SLC14A2: variants seen among roughly 807,000 people sequenced by gnomAD.
SLC14A2 encodes the protein solute carrier family 14 member 2, also known as urea transporter 2.
Under a neutral mutation model 104.6 loss-of-function variants are expected in SLC14A2, and 91 were observed. The observed-to-expected ratio is 0.87, with a 90% CI of 0.73 to 1.04. SLC14A2 has a LOEUF of 1.04. Ranked by LOEUF, SLC14A2 falls within the 50% of genes least tolerant of loss-of-function variation. The pLI is 0.00. For synonymous variants in SLC14A2, 476 were observed against 466.4 expected, an observed-to-expected ratio of 1.02 and a Z score of -0.27; for missense variants, 1,189 against 1,156.0, an observed-to-expected ratio of 1.03 and a Z score of -0.41.
At chr18:45,253,993 A>C (rs563796818) in intron 1 of SLC14A2, among the ~76,000 whole-genome samples, 1 of 152,300 alleles carries the variant, frequency 6.6e-6, no homozygotes, top group East Asian at 1.9e-4. Flanking sequence ...GACATGAGGA[A>C]GTTTCATAGC....
At chr18:45,536,205 C>G (rs1394537846) in intron 2 of SLC14A2, among the ~76,000 whole-genome samples, 2 of 152,164 alleles carry the variant, frequency 1.3e-5, no homozygotes, top group Non-Finnish European at 2.9e-5. Context: ...TCTGTTAATG[C>G]TGAGAGATGG....
chr18:45,327,057 G>A (rs2085242532), intron 1 of SLC14A2, among the ~76,000 whole-genome samples: 1 of 152,036 alleles, frequency 6.6e-6, no homozygotes, highest in South Asian at 2.1e-4. Context: ...CAGCCAGCCA[G>A]CCATCTAGCT....
chr18:45,181,542 C>T, the SLC14A2 span, among the ~76,000 whole-genome samples: 3 of 152,138 alleles, frequency 2.0e-5, no homozygotes, highest in African/African-American at 7.2e-5. Context: ...TAACTTCTTC[C>T]AAACCTGCTT....
chr18:45,329,046 C>A (rs940234471), intron 1 of SLC14A2, among the ~76,000 whole-genome samples: 1 of 152,054 alleles, frequency 6.6e-6, no homozygotes, highest in Non-Finnish European at 1.5e-5. Flanking sequence ...GTGAAATTTT[C>A]TACACTCTAA....
At chr18:45,236,279 ATATGTGTATATATACATGTATGTGTG>A (rs2084243947) in intron 1 of SLC14A2, among the ~76,000 whole-genome samples, 3 of 56,582 alleles carry the variant, frequency 5.3e-5, no homozygotes, top group African/African-American at 2.0e-4. Context: ...GTATGTGTGT[ATATGTGTATATATACATGTATGTGTG>A]TATATGTGTA....
intron 1 of SLC14A2, among the ~76,000 whole-genome samples, chr18:45,382,019 C>T (rs138862391): frequency 1.2e-3 from 181 of 152,198 alleles, no homozygotes; most frequent in Non-Finnish European, 2.3e-3. Context: ...CTCCCCCTAA[C>T]AGCTTCTACC....
rs980188757 is a variant in SLC14A2 at position 45,629,061 on chromosome 18, A to C, written c.521+1914A>C. On this transcript the variant is annotated intron_variant, in intron 4 of 19. Coordinates refer to ENST00000255226, the MANE Select transcript of SLC14A2 (RefSeq NM_007163.4). The stretch of plus-strand genomic sequence containing the variant: ...TTGGAGGCATGACCTGCATCTTAGA[A>C]TCAAGGTCATGCTGTCCCCATCATG... Among the ~76,000 whole-genome samples, 3 of 152,316 alleles carry C rather than the reference A, an allele frequency of 2.0e-5. No homozygotes were observed. The East Asian group carries it at 5.8e-4, about 29-fold the overall frequency.
chr18:45,637,727 G>A (rs1348726189), intron 6 of SLC14A2, among the ~76,000 whole-genome samples: 2 of 152,264 alleles, frequency 1.3e-5, no homozygotes, highest in East Asian at 3.9e-4. Flanking sequence ...GACTAGAGAG[G>A]TCCCCAGCAC....
chr18:45,378,707 G>T (rs1177160315), intron 1 of SLC14A2, among the ~76,000 whole-genome samples: 2 of 152,212 alleles, frequency 1.3e-5, no homozygotes, highest in African/African-American at 4.8e-5. Context: ...ATTTACCAGG[G>T]TATTCACAGG....
In SLC14A2 at chr18:45,669,450, T is replaced by TTG. The variant is rs1315359952; in HGVS notation, c.2181_2182insTG (p.Ala728TrpfsTer19). ...TCTTCCCCACAACGCTGCTGCAGCC[T>TTG]GCATCCGCCATGCCCAACATCACCT... On this transcript the variant is annotated frameshift_variant, in exon 16 of 20. Coordinates refer to ENST00000255226, the MANE Select transcript of SLC14A2 (RefSeq NM_007163.4). LOFTEE classifies it high-confidence loss of function. 6.2e-7 allele frequency: 1 copy of TTG among 1,614,108 alleles called. No homozygotes were observed.
At chr18:45,282,589 A>G (rs2084773414) in intron 1 of SLC14A2, among the ~76,000 whole-genome samples, 1 of 152,156 alleles carries the variant, frequency 6.6e-6, no homozygotes, top group African/African-American at 2.4e-5. Flanking sequence ...CAGACGGTAG[A>G]GGGCAATGCT....
chr18:45,301,601 G>C (rs752056057), intron 1 of SLC14A2, among the ~76,000 whole-genome samples: 11 of 152,176 alleles, frequency 7.2e-5, no homozygotes, highest in African/African-American at 2.7e-4. Context: ...CCTGCATTTG[G>C]CTTAGAGAAT....
chr18:45,403,066 C>T (rs2086113358), intron 1 of SLC14A2, among the ~76,000 whole-genome samples: 1 of 152,204 alleles, frequency 6.6e-6, no homozygotes, highest in Non-Finnish European at 1.5e-5. Flanking sequence ...TATTTTCTCA[C>T]AGTTCTGAGG....
chr18:45,626,327 TA>T, intron 3 of SLC14A2, among the ~76,000 whole-genome samples: 1 of 152,216 alleles, frequency 6.6e-6, no homozygotes, highest in East Asian at 1.9e-4. Flanking sequence ...CTTCTCGAAC[TA>T]AACACTGAAA....
Position 45,532,259 on chromosome 18 carries a change from G to A in SLC14A2, c.-35+48937G>A, listed in dbSNP as rs1057200067. 3.3e-5 allele frequency among the ~76,000 whole-genome samples: 5 copies of A among 152,240 alleles called. 1 individual carries two copies. ...GAAGAAAGTCATTGGTAGCTTGATGGGGATGGCATTGAATCTATAAATTAC... is the reference window on the plus strand; with the variant it reads ...GAAGAAAGTCATTGGTAGCTTGATGAGGATGGCATTGAATCTATAAATTAC... On this transcript the variant is annotated intron_variant, in intron 2 of 20. Coordinates refer to the SLC14A2 transcript ENST00000586448.
chr18:45,626,815 C>CCCCCCCCCCCA, intron 3 of SLC14A2, 143 bp from the exon 4 acceptor site: 1 of 431,678 alleles, frequency 2.3e-6, no homozygotes, highest in Admixed American at 3.4e-5. Context: ...TACCCCCACC[C>CCCCCCCCCCCA]CTCCACCCCG....
intron 1 of SLC14A2, among the ~76,000 whole-genome samples, chr18:45,372,858 G>A (rs558944100): frequency 6.6e-6 from 1 of 152,230 alleles, no homozygotes; most frequent in Non-Finnish European, 1.5e-5. Context: ...AATCTAATAT[G>A]TATATAATGT....
intron 1 of SLC14A2, among the ~76,000 whole-genome samples, chr18:45,235,925 A>G (rs772282846): frequency 2.0e-5 from 2 of 100,890 alleles, no homozygotes; most frequent in African/African-American, 9.9e-5. Flanking sequence ...ATATGTGTGT[A>G]TATATGTATA....
intron 2 of SLC14A2, among the ~76,000 whole-genome samples, chr18:45,486,873 G>T (rs181303487): frequency 1.4e-4 from 22 of 152,284 alleles, no homozygotes; most frequent in Non-Finnish European, 2.6e-4. Flanking sequence ...GTTGAAAAAG[G>T]CTTTGGAGCA....
Sources: gnomAD v4.1 joint callset for allele counts (sites outside exome capture counted in the v4.1 genomes callset) on GRCh38, gnomAD v4.1.1 for gene constraint, MANE v1.5 for transcripts, NCBI Gene and HGNC (gene_info 2026-07-23, HGNC 2026-07-21) for gene names.